CBFA2T3: variants seen among roughly 807,000 people sequenced by gnomAD.
The protein encoded by CBFA2T3 is transcriptional corepressor CBFA2T3.
A neutral mutation model predicts 58.6 loss-of-function variants in CBFA2T3; 31 were observed. The ratio of observed to expected loss-of-function variants is 0.53; its 90% CI spans 0.40 to 0.71. CBFA2T3 has a LOEUF of 0.71. CBFA2T3 is among the 30% of genes least tolerant of loss of function. The pLI is 0.00. For synonymous variants in CBFA2T3, 531 were observed against 421.9 expected (o/e 1.26, Z -3.17); for missense variants, 1,076 against 963.1 (o/e 1.12, Z -1.55).
intron 1 of CBFA2T3, among the ~76,000 whole-genome samples, chr16:88,955,934 C>A (rs1482343497): frequency 6.7e-6 from 1 of 149,926 alleles, no homozygotes; most frequent in Admixed American, 6.6e-5. Context: ...AGGCTCCTGA[C>A]CCCGCCCAAG....
At chr16:88,961,950 C>T (rs57921655) in intron 1 of CBFA2T3, among the ~76,000 whole-genome samples, 10 of 149,048 alleles carry the variant, frequency 6.7e-5, no homozygotes, top group Non-Finnish European at 8.9e-5. Context: ...CGACACTCAG[C>T]GCTGGGCATT....
At chr16:88,901,882 G>C (rs1319923157) in intron 1 of CBFA2T3, among the ~76,000 whole-genome samples, 1 of 152,178 alleles carries the variant, frequency 6.6e-6, no homozygotes, top group African/African-American at 2.4e-5. Context: ...TGGCCGGCCA[G>C]GCTGGAGCTG....
chr16:88,963,786 C>G (rs1176204683), intron 1 of CBFA2T3, among the ~76,000 whole-genome samples: 1 of 152,246 alleles, frequency 6.6e-6, no homozygotes, highest in Non-Finnish European at 1.5e-5. Flanking sequence ...CCGAGGAGAG[C>G]CGCATTCTGT....
At position 88,965,993 on chromosome 16, in the gene CBFA2T3, C is replaced by T. The variant is rs754798663; in HGVS notation, c.151+10664G>A. On this transcript the variant is annotated intron_variant, in intron 1 of 11. Coordinates refer to ENST00000268679, the MANE Select transcript of CBFA2T3 (RefSeq NM_005187.6). ...TCAGGGGAGGGGACGGGGGCCCATTCGGCAGCAGGAACAGAGAGACCCCAC... is the reference window on the plus strand; with the variant it reads ...TCAGGGGAGGGGACGGGGGCCCATTTGGCAGCAGGAACAGAGAGACCCCAC... Among the ~76,000 whole-genome samples the T allele has an allele frequency of 3.9e-5, 6 of 152,326 alleles. No homozygotes were observed. In the Middle Eastern group the frequency reaches 0.01, roughly 259 times the overall value.
intron 1 of CBFA2T3, among the ~76,000 whole-genome samples, chr16:88,912,127 C>A (rs932328098): frequency 1.3e-5 from 2 of 152,378 alleles, no homozygotes; most frequent in East Asian, 1.9e-4. Flanking sequence ...CCGGCCTCTG[C>A]CTGCAGGCTG....
rs1469621754 is a variant in CBFA2T3, at chr16:88,885,795, A to T, written c.893+166T>A. The T allele has an allele frequency of 4.8e-6, 3 of 624,634 alleles. No homozygotes were observed. The highest frequency in any genetic ancestry group is 8.3e-6 in the Non-Finnish European group (3 of 359,952). 38.7% of individuals were successfully genotyped at this position (624,634 alleles called of 1,614,324 possible). ...CACTGGGGTGTCCGCCCGTGCAGCCACCAAGCCTGCTGGCCCTAGTACACC... is the reference window on the plus strand; with the variant it reads ...CACTGGGGTGTCCGCCCGTGCAGCCTCCAAGCCTGCTGGCCCTAGTACACC... On this transcript the variant is annotated intron_variant, in intron 6 of 11. Coordinates refer to ENST00000268679, the MANE Select transcript of CBFA2T3 (RefSeq NM_005187.6). This position sits in a 1 kb window ranked among gnomAD's most constrained non-coding sequence, Gnocchi z 5.3.
At chr16:88,902,413 TG>T (rs1970135325) in intron 1 of CBFA2T3, 1 of 151,772 alleles carries the variant, frequency 6.6e-6, no homozygotes, top group African/African-American at 2.4e-5. Flanking sequence ...AACCTGCAGC[TG>T]AACAAGATTC....
intron 1 of CBFA2T3, among the ~76,000 whole-genome samples, chr16:88,907,637 C>T (rs556471277): frequency 1.3e-5 from 2 of 151,960 alleles, no homozygotes; most frequent in African/African-American, 4.8e-5. Flanking sequence ...CCAGCTACCC[C>T]TTCCCCACTG....
At chr16:88,935,277 G>C (rs1380039478) in intron 1 of CBFA2T3, among the ~76,000 whole-genome samples, 2 of 152,204 alleles carry the variant, frequency 1.3e-5, no homozygotes, top group Admixed American at 6.5e-5. Context: ...AGTACAGGCT[G>C]GGCTGGACTA....
At chr16:88,940,219 G>C (rs562500387) in intron 1 of CBFA2T3, 1 of 154,574 alleles carries the variant, frequency 6.5e-6, no homozygotes, top group Non-Finnish European at 1.5e-5. Context: ...CAGCCCGGCC[G>C]CGGCCCCAGC....
chr16:88,913,972 C>T (rs1970607808), intron 1 of CBFA2T3, among the ~76,000 whole-genome samples: 1 of 152,168 alleles, frequency 6.6e-6, no homozygotes, highest in Non-Finnish European at 1.5e-5. Context: ...ACACAGGTGC[C>T]TCCAGAGCAA....
In CBFA2T3 at chr16:88,901,545, G is replaced by T. The variant is rs1970098308; in HGVS notation, c.263C>A (p.Ser88Tyr). 4 of 1,480,886 alleles carry T rather than the reference G, an allele frequency of 2.7e-6. No individual in the cohort carries two copies. Among genetic ancestry groups the T allele is most frequent in the Non-Finnish European group, 1.8e-6 (2 of 1,120,978 alleles). The allele number at this position is 1,480,886 out of a possible 1,614,324, so 91.7% of individuals were successfully genotyped here. A position where few individuals can be genotyped will look rare whatever the true frequency, so the allele number is the denominator to read the frequency against. Residue 88 changes from serine to tyrosine, a missense_variant, in exon 2 of 12, where the codon TCC becomes TAC. Coordinates refer to ENST00000268679, the MANE Select transcript of CBFA2T3 (RefSeq NM_005187.6). ...GGAGGGGGGGCGTGTGGCCCCCTGG[G>T]ATGCGGCAGGCGGTGGGGGCGGCAT... is the stretch of plus-strand genomic sequence containing the variant. ...PSMPPPPPAA[S>Y]QGATRPPSFT...
intron 1 of CBFA2T3, among the ~76,000 whole-genome samples, chr16:88,952,752 C>T (rs1972110269): frequency 6.6e-6 from 1 of 152,160 alleles, no homozygotes. Flanking sequence ...GGGAGAGACG[C>T]CTCCCATACC....
intron 1 of CBFA2T3, among the ~76,000 whole-genome samples, chr16:88,947,168 A>AC (rs1287111677): frequency 1.3e-5 from 2 of 152,050 alleles, no homozygotes; most frequent in Non-Finnish European, 1.5e-5. Context: ...CAATGTAGGG[A>AC]CCCCCCACTA....
chr16:88,893,605 G>C (rs559201018), intron 3 of CBFA2T3, among the ~76,000 whole-genome samples: 1 of 152,224 alleles, frequency 6.6e-6, no homozygotes, highest in African/African-American at 2.4e-5. Flanking sequence ...ACACAGGCCA[G>C]TGCATGTTGA....
chr16:88,907,658 G>A (rs942780838), intron 1 of CBFA2T3, among the ~76,000 whole-genome samples: 6 of 152,204 alleles, frequency 3.9e-5, no homozygotes, highest in African/African-American at 1.4e-4. Context: ...GCCACAGAGG[G>A]CACCTGCAGC....
intron 1 of CBFA2T3, among the ~76,000 whole-genome samples, chr16:88,916,146 G>A (rs1970713860): frequency 2.0e-5 from 3 of 150,908 alleles, no homozygotes; most frequent in East Asian, 3.9e-4. Flanking sequence ...ACATGTGGGT[G>A]TGTGTGCATG....
At chr16:88,930,593 C>A (rs2911449) in intron 1 of CBFA2T3, among the ~76,000 whole-genome samples, 1 of 150,994 alleles carries the variant, frequency 6.6e-6, no homozygotes, top group East Asian at 1.9e-4. Flanking sequence ...AAGGGCCACA[C>A]GTGGCCCCGT....
At position 88,881,749 on chromosome 16, in the gene CBFA2T3, T is replaced by C. The variant is rs527359514; in HGVS notation, c.1204-260A>G. On this transcript the variant is annotated intron_variant, in intron 8 of 11. Coordinates refer to ENST00000268679, the MANE Select transcript of CBFA2T3 (RefSeq NM_005187.6). ...CGCAGGAGTTTGGGATTCTCCTTTT[T>C]AACCCGCTCAGCGGGGCTCTGCCTC... 1.3e-5 allele frequency: 6 copies of C among 449,372 alleles called. No individual in the cohort carries two copies. In the East Asian group the frequency reaches 1.7e-4, roughly 13 times the overall value. The allele number at this position is 449,372 out of a possible 1,614,324, so 27.8% of individuals were successfully genotyped here.
Sources: allele counts gnomAD v4.1 joint callset (sites outside exome capture counted in the v4.1 genomes callset), GRCh38; gene constraint gnomAD v4.1.1; non-coding constraint Gnocchi (gnomAD v3.1); transcripts MANE v1.5; gene names NCBI Gene and HGNC (gene_info 2026-07-23, HGNC 2026-07-21).